Variants in MPND observed in about 807,000 individuals in gnomAD.
MPND encodes MPN domain containing, also known as MPN domain-containing protein.
Under a neutral mutation model 59.2 loss-of-function variants are expected in MPND, and 56 were observed. That is an observed-to-expected ratio of 0.95 (90% CI 0.76 to 1.18). MPND has a LOEUF of 1.18. Among genes scored for constraint, MPND ranks in the 50% most tolerant of loss-of-function variants. The pLI, the probability that MPND is intolerant of heterozygous loss-of-function variation, is 0.00. For synonymous variants in MPND, 323 were observed against 291.9 expected (o/e 1.11, Z -1.09); for missense variants, 671 against 676.0 (o/e 0.99, Z 0.08).
At chr19:4,354,169 C>T (rs769937516) in intron 5 of MPND, 40 bp downstream of exon 5, 2 of 1,589,200 alleles carry the variant, frequency 1.3e-6, no homozygotes, top group Admixed American at 1.7e-5. Context: ...CCCAGCTCAC[C>T]TGGATCTCTT....
chr19:4,349,790 C>T (rs563410117), intron 3 of MPND, among the ~76,000 whole-genome samples: 38 of 152,338 alleles, frequency 2.5e-4, no homozygotes, highest in African/African-American at 7.2e-4. Context: ...GGATTGCAGG[C>T]GTGAGCCAGC....
At chr19:4,357,949 A>G (rs1407436170) in intron 10 of MPND, 134 bp from the exon 11 acceptor site, 8 of 695,526 alleles carry the variant, frequency 1.2e-5, no homozygotes, top group South Asian at 1.7e-5. Context: ...TCCCACCACC[A>G]GGTGCCGATC....
At chr19:4,346,438 G>T (rs1416816508) in intron 3 of MPND, among the ~76,000 whole-genome samples, 2 of 151,634 alleles carry the variant, frequency 1.3e-5, no homozygotes, top group Non-Finnish European at 2.9e-5. Context: ...TTTTTTTTGA[G>T]ACAGGGTCTC....
At chr19:4,353,153 G>C in intron 4 of MPND, 124 bp downstream of exon 4, 2 of 767,330 alleles carry the variant, frequency 2.6e-6, no homozygotes, top group Non-Finnish European at 1.8e-6. Context: ...TGGAGAGTCA[G>C]CTGGGCCCTA....
At position 4,343,729 on chromosome 19, in the gene MPND, C is replaced by A; in HGVS notation, c.29C>A (p.Ala10Glu). 8.3e-7 allele frequency: 1 copy of A among 1,204,510 alleles called. No individual in the cohort carries two copies. Among genetic ancestry groups the A allele is most frequent in the Non-Finnish European group, 1.0e-6 (1 of 970,276 alleles). 74.6% of individuals were successfully genotyped at this position (1,204,510 alleles called of 1,614,324 possible). A position where few individuals can be genotyped will look rare whatever the true frequency, so the allele number is the denominator to read the frequency against. MAAPEPLSP[A>E]GGAGEEAPEE... ...GCAGCTCCGGAGCCGCTGTCCCCGGCGGGCGGTGCGGGCGAGGAGGCGCCG... is the reference window on the plus strand; with the variant it reads ...GCAGCTCCGGAGCCGCTGTCCCCGGAGGGCGGTGCGGGCGAGGAGGCGCCG... Residue 10 changes from alanine (A) to glutamate (E), a missense_variant, in exon 2 of 13, where the codon GCG becomes GAG. Coordinates refer to ENST00000599840, the MANE Select transcript of MPND (RefSeq NM_001300862.2).
In MPND at chr19:4,343,756, A is replaced by C; in HGVS notation, c.56A>C (p.Glu19Ala). 1 of 1,206,364 alleles carries C rather than the reference A, an allele frequency of 8.3e-7. No individual in the cohort carries two copies. Among genetic ancestry groups the C allele is most frequent in the African/African-American group, 1.6e-5 (1 of 63,072 alleles). 74.7% of individuals were successfully genotyped at this position (1,206,364 alleles called of 1,614,324 possible). A position where few individuals can be genotyped will look rare whatever the true frequency, so the allele number is the denominator to read the frequency against. The change falls in exon 2 of 13, where the codon GAG becomes GCG. Residue 19 changes from glutamate to alanine, a missense_variant. Transcript: ENST00000599840. ...GGCGGTGCGGGCGAGGAGGCGCCGG[A>C]GGAGGACGAGGACGAAGCGGAGGCC... ...PAGGAGEEAP[E>A]EDEDEAEAED... is the part of the protein sequence containing the mutation.
chr19:4,349,667 T>C (rs901026468), intron 3 of MPND, among the ~76,000 whole-genome samples: 3 of 152,044 alleles, frequency 2.0e-5, no homozygotes, highest in Non-Finnish European at 2.9e-5. Context: ...CCCACTACCA[T>C]GCCCAGTTAA....
intron 8 of MPND, 108 bp downstream of exon 8, chr19:4,355,281 G>A (rs1831120812): frequency 1.8e-6 from 2 of 1,135,994 alleles, no homozygotes; most frequent in African/African-American, 3.1e-5. Context: ...AACCGTGCAG[G>A]TGAGCATGCC....
chr19:4,357,537 A>G lies in MPND; in HGVS notation c.1188A>G (p.Pro396=), dbSNP rs1446632095. The change falls in exon 10 of 13, where the codon CCA becomes CCG. Residue 396 remains proline (P), a synonymous_variant. Transcript: ENST00000599840. ...LLCSPYYSGN[P]GPESKISPFW... ...CAGCCCCTTACTATTCTGGCAACCC[A>G]GGCCCCGAGTCCAAGATCTCACCTT... is the stretch of plus-strand genomic sequence containing the variant. 13 of 1,613,568 alleles carry G rather than the reference A, an allele frequency of 8.1e-6. No homozygotes were observed. The highest frequency in any genetic ancestry group is 2.2e-5 in the East Asian group (1 of 44,876).
chr19:4,352,296 A>G (rs1972336385), intron 3 of MPND, among the ~76,000 whole-genome samples: 1 of 152,270 alleles, frequency 6.6e-6, no homozygotes. Context: ...GCAGTAGGAT[A>G]TAAATAGCTC....
At chr19:4,352,208 TCA>T (rs547998545) in intron 3 of MPND, among the ~76,000 whole-genome samples, 85 of 151,992 alleles carry the variant, frequency 5.6e-4, no homozygotes, top group Non-Finnish European at 1.0e-3. Context: ...TAGATAGAGT[TCA>T]GAGAGTTTAA....
At chr19:4,358,262 G>A in intron 11 of MPND, 90 bp downstream of exon 11, 2 of 1,214,684 alleles carry the variant, frequency 1.6e-6, no homozygotes, top group Middle Eastern at 2.0e-4. Flanking sequence ...GTGGGCTTGG[G>A]AAGCTATGGC....
rs368474355 is a variant in MPND, at chr19:4,354,468, G to A, written c.846+48G>A. 1.1e-5 allele frequency: 16 copies of A among 1,469,764 alleles called. No homozygotes were observed. In the Admixed American group the frequency reaches 1.4e-4, roughly 13 times the overall value. The allele number at this position is 1,469,764 out of a possible 1,614,324, so 91.0% of individuals were successfully genotyped here. Reference sequence around the variant, plus strand: ...GGGCAAGGGGCTCCGGAGCCCAGTCGGTGGGCAGCGGGCGGGGCTCCCCTG... The same window carrying A: ...GGGCAAGGGGCTCCGGAGCCCAGTCAGTGGGCAGCGGGCGGGGCTCCCCTG... On this transcript the variant is annotated intron_variant, in intron 6 of 12. Coordinates refer to ENST00000599840, the MANE Select transcript of MPND (RefSeq NM_001300862.2).
chr19:4,354,991 C>G lies in MPND; in HGVS notation c.889C>G (p.Leu297Val). The G allele has an allele frequency of 6.9e-7, 1 of 1,456,538 alleles. No homozygotes were observed. Among genetic ancestry groups the G allele is most frequent in the African/African-American group, 1.6e-5 (1 of 64,182 alleles). 90.2% of individuals were successfully genotyped at this position (1,456,538 alleles called of 1,614,324 possible). ...HLTRSEVVGY[L>V]GGRWDVNSQM... Reference sequence around the variant, plus strand: ...GACACGGAGTGAGGTCGTGGGTTACCTGGGGGGCCGCTGGGACGTCAACAG... The same window carrying G: ...GACACGGAGTGAGGTCGTGGGTTACGTGGGGGGCCGCTGGGACGTCAACAG... Residue 297 changes from leucine to valine, a missense_variant, in exon 7 of 13, where the codon CTG becomes GTG. By Grantham distance (32) the Leu-to-Val change is conservative. Coordinates refer to ENST00000599840, the MANE Select transcript of MPND (RefSeq NM_001300862.2).
At chr19:4,351,844 A>G (rs1264386642) in intron 3 of MPND, among the ~76,000 whole-genome samples, 1 of 125,344 alleles carries the variant, frequency 8.0e-6, no homozygotes, top group African/African-American at 3.1e-5. Flanking sequence ...CCTCGGCGAC[A>G]GAGTGAGACT....
intron 3 of MPND, chr19:4,347,141 A>G (rs1420954846): frequency 1.3e-5 from 2 of 151,780 alleles, no homozygotes; most frequent in Non-Finnish European, 2.9e-5. Context: ...TTGTGGCAGA[A>G]TCTTTTTTTT....
intron 3 of MPND, among the ~76,000 whole-genome samples, chr19:4,347,065 A>ACCAGTGC (rs1972201333): frequency 6.6e-6 from 1 of 152,004 alleles, no homozygotes; most frequent in Non-Finnish European, 1.5e-5. Flanking sequence ...TGGAGATGGT[A>ACCAGTGC]CCAGTGCCCA....
chr19:4,359,050 T>A (rs539376262), intron 11 of MPND, 113 bp from the exon 12 acceptor site: 1 of 685,150 alleles, frequency 1.5e-6, no homozygotes, highest in Non-Finnish European at 2.6e-6. Context: ...GTGGTTGGTT[T>A]GTTAGTGATG....
Position 4,352,994 on chromosome 19 carries a change from C to A in MPND, c.629C>A (p.Pro210Gln), listed in dbSNP as rs201559730. The change falls in exon 4 of 13, where the codon CCA (proline) becomes CAA (glutamine). Residue 210 changes from proline (P) to glutamine (Q), a missense_variant. Coordinates refer to ENST00000599840, the MANE Select transcript of MPND (RefSeq NM_001300862.2). ...GVSAEDKSRR[P>Q]LGKSPSEPAH... is the part of the protein sequence containing the mutation. ...TCAGCAGAGGACAAGAGTCGGAGAC[C>A]ACTGGGGAAGAGCCCTTCAGAGCCT... The A allele has an allele frequency of 1.2e-5, 16 of 1,364,040 alleles. No homozygotes were observed. In the Admixed American group the frequency reaches 2.9e-4, roughly 24 times the overall value. 84.5% of individuals were successfully genotyped at this position (1,364,040 alleles called of 1,614,324 possible).
Sources: gnomAD v4.1 joint callset for allele counts (sites outside exome capture counted in the v4.1 genomes callset) on GRCh38, gnomAD v4.1.1 for gene constraint, MANE v1.5 for transcripts, NCBI Gene and HGNC (gene_info 2026-07-23, HGNC 2026-07-21) for gene names.